The following TP53BP1 variants were observed in gnomAD, a reference collection of about 807,000 sequenced individuals.
TP53BP1 encodes the protein tumor protein p53 binding protein 1.
Under a neutral mutation model 200.8 loss-of-function variants are expected in TP53BP1, and 61 were observed. That is an observed-to-expected ratio of 0.30 (90% CI 0.25 to 0.38). The LOEUF (loss-of-function observed/expected upper bound fraction) is 0.38. Among genes scored for constraint, TP53BP1 ranks in the 10% least tolerant of loss-of-function variants. TP53BP1 has a pLI of 1.00. For synonymous variants in TP53BP1, 822 were observed against 844.3 expected, an observed-to-expected ratio of 0.97 and a Z score of 0.46; for missense variants, 2,144 against 2,371.9, an observed-to-expected ratio of 0.90 and a Z score of 2.00.
intron 1 of TP53BP1, among the ~76,000 whole-genome samples, chr15:43,505,509 A>G (rs2140184689): frequency 6.6e-6 from 1 of 152,324 alleles, no homozygotes; most frequent in South Asian, 2.1e-4. Context: ...CGCTTTTGGG[A>G]ATCACTTTCT....
rs2078932810 is a variant in TP53BP1 at position 43,479,546 on chromosome 15, A to G, written c.659-20T>C. 2 of 1,598,032 alleles carry G rather than the reference A, an allele frequency of 1.3e-6. No homozygotes were observed. Among genetic ancestry groups the G allele is most frequent in the African/African-American group, 2.7e-5 (2 of 74,136 alleles). ...TAATTGCTGAGAGTTTTATAAAATGACAGGAAGGAGATAATTAAGTTTTCA... is the reference window on the plus strand; with the variant it reads ...TAATTGCTGAGAGTTTTATAAAATGGCAGGAAGGAGATAATTAAGTTTTCA... On this transcript the variant is annotated intron_variant, in intron 6 of 27. Coordinates refer to ENST00000382044, the MANE Select transcript of TP53BP1 (RefSeq NM_001141980.3).
At chr15:43,483,233 A>AACACACGCACACACAC (rs2078998722) in intron 4 of TP53BP1, among the ~76,000 whole-genome samples, 1 of 142,728 alleles carries the variant, frequency 7.0e-6, no homozygotes, top group African/African-American at 2.6e-5. Flanking sequence ...AAAAGTACAG[A>AACACACGCACACACAC]ACACACACAC....
chr15:43,497,608 G>T, upstream of TP53BP1: 1 of 216,682 alleles, frequency 4.6e-6, no homozygotes, highest in Non-Finnish European at 7.9e-6. Flanking sequence ...ATTATGCTAA[G>T]TGAAATAAGC....
At chr15:43,445,994 T>A (rs2046033311) in intron 14 of TP53BP1, among the ~76,000 whole-genome samples, 1 of 152,204 alleles carries the variant, frequency 6.6e-6, no homozygotes, top group Non-Finnish European at 1.5e-5. Context: ...CCTTTCAGCA[T>A]CTGGTCCCTA....
intron 1 of TP53BP1, among the ~76,000 whole-genome samples, chr15:43,499,151 C>T (rs900042335): frequency 7.2e-5 from 11 of 152,016 alleles, no homozygotes; most frequent in African/African-American, 2.4e-4. Context: ...ACAAGGACAC[C>T]ACTGTGTCCT....
In TP53BP1 at chr15:43,405,497, A is replaced by G; in HGVS notation, c.*1886T>C. 1 of 507,868 alleles carries G rather than the reference A, an allele frequency of 2.0e-6. No individual in the cohort carries two copies. The highest frequency in any genetic ancestry group is 3.5e-6 in the Non-Finnish European group (1 of 283,466). 31.5% of individuals were successfully genotyped at this position (507,868 alleles called of 1,614,324 possible). A position where few individuals can be genotyped will look rare whatever the true frequency, so the allele number is the denominator to read the frequency against. The stretch of plus-strand genomic sequence containing the variant: ...TCATTTATTCAATAGTCATTTATTG[A>G]GCACCTACTACGTACCTTGGTACTG... On this transcript the variant is annotated 3_prime_UTR_variant, in exon 28 of 28. Coordinates refer to ENST00000382044, the MANE Select transcript of TP53BP1 (RefSeq NM_001141980.3).
At chr15:43,455,426 A>T (rs972807965) in intron 12 of TP53BP1, among the ~76,000 whole-genome samples, 2 of 152,206 alleles carry the variant, frequency 1.3e-5, no homozygotes, top group Non-Finnish European at 2.9e-5. Context: ...AGCTATTAAA[A>T]AAATACAATC....
At chr15:43,421,667 C>T (rs1009269654) in intron 19 of TP53BP1, 188 bp downstream of exon 19, 45 of 781,608 alleles carry the variant, frequency 5.8e-5, no homozygotes, top group Non-Finnish European at 8.5e-5. Flanking sequence ...AGTCTACCTG[C>T]CACAGGGCTC....
At chr15:43,504,264 T>C (rs1389407628) in intron 1 of TP53BP1, among the ~76,000 whole-genome samples, 5 of 152,304 alleles carry the variant, frequency 3.3e-5, no homozygotes, top group Admixed American at 2.6e-4. Context: ...CCTCCTGCTT[T>C]AGCCTCCCAA....
rs762457816 is a variant in TP53BP1 at position 43,421,984 on chromosome 15, G to A, written c.3971C>T (p.Thr1324Ile). Residue 1324 changes from threonine (T) to isoleucine (I), a missense_variant, in exon 19 of 28, where the codon ACA becomes ATA. Physicochemically the swap from Thr to Ile is moderately conservative, Grantham distance 89. Around this residue, in one of 4 missense-constraint regions of TP53BP1, gnomAD observed 1,700 missense variants for 1,710.3 expected, o/e 0.99. Transcript: ENST00000382044. ...ASSLHRTSSGTSLSAMHSSGS... is the reference protein window; with the variant it reads ...ASSLHRTSSGISLSAMHSSGS... ...ACTGCTGTGCATAGCTGAGAGACTT[G>A]TCCCACTTGATGTGCGGTGTAAGCT... 1.9e-6 allele frequency: 3 copies of A among 1,614,208 alleles called. No individual in the cohort carries two copies.
chr15:43,493,287 G>T, upstream of TP53BP1: 1 of 1,337,232 alleles, frequency 7.5e-7, no homozygotes, highest in Admixed American at 2.9e-5. Flanking sequence ...GGAACACGGC[G>T]GCGCGTTTCC....
At chr15:43,481,154 G>C in intron 4 of TP53BP1, 132 bp from the exon 5 acceptor site, 1 of 932,464 alleles carries the variant, frequency 1.1e-6, no homozygotes, top group Admixed American at 2.3e-5. Flanking sequence ...CACCTTTATA[G>C]TGCTTCTTTC....
In TP53BP1 at chr15:43,479,519, C is replaced by A; in HGVS notation, c.666G>T (p.Lys222Asn). The A allele has an allele frequency of 6.2e-7, 1 of 1,607,694 alleles. No individual in the cohort carries two copies. Among genetic ancestry groups the A allele is most frequent in the Non-Finnish European group, 8.5e-7 (1 of 1,178,102 alleles). The change falls in exon 7 of 28, where the codon AAG (lysine) becomes AAT (asparagine). Residue 222 changes from lysine (K) to asparagine (N), a missense_variant. By Grantham distance (94) the Lys-to-Asn change is moderately conservative. Coordinates refer to ENST00000382044, the MANE Select transcript of TP53BP1 (RefSeq NM_001141980.3). ...LSDVDANTAI[K>N]HEEQSNEDIP... ...TATCTTCGTTGGACTGTTCTTCATG[C>A]TTAATTGCTGAGAGTTTTATAAAAT...
At chr15:43,457,332 T>G in intron 11 of TP53BP1, 114 bp from the exon 12 acceptor site, 2 of 970,800 alleles carry the variant, frequency 2.1e-6, no homozygotes, top group Non-Finnish European at 2.9e-6. Flanking sequence ...ATCAAATTTT[T>G]AAATTCATAT....
chr15:43,480,847 A>G (rs1328971280), intron 5 of TP53BP1, 48 bp downstream of exon 5: 1 of 1,602,796 alleles, frequency 6.2e-7, no homozygotes. Context: ...CAATCATGTT[A>G]AAGGGAAGTT....
intron 22 of TP53BP1, 137 bp from the exon 23 acceptor site, chr15:43,415,946 T>A: frequency 2.6e-6 from 2 of 767,336 alleles, no homozygotes; most frequent in Non-Finnish European, 4.2e-6. Context: ...AGCTTCTTTT[T>A]AAGGCCATAT....
chr15:43,494,005 G>A, upstream of TP53BP1, among the ~76,000 whole-genome samples: 1 of 152,234 alleles, frequency 6.6e-6, no homozygotes, highest in Middle Eastern at 3.4e-3. Context: ...ATGGTGCCAG[G>A]GTCTTAAAGA....
chr15:43,450,668 C>A (rs1030934694), intron 12 of TP53BP1, among the ~76,000 whole-genome samples: 4 of 152,112 alleles, frequency 2.6e-5, no homozygotes, highest in African/African-American at 9.7e-5. Context: ...TTAACAGGAG[C>A]TCTCCATAGA....
chr15:43,413,826 TGCCC>T (rs2142968993), intron 23 of TP53BP1, among the ~76,000 whole-genome samples: 1 of 150,824 alleles, frequency 6.6e-6, no homozygotes, highest in African/African-American at 2.4e-5. Flanking sequence ...TATCAAGAAA[TGCCC>T]CTTGTAGATA....
Sources: allele counts gnomAD v4.1 joint callset (sites outside exome capture counted in the v4.1 genomes callset), GRCh38; gene constraint gnomAD v4.1.1; regional missense constraint gnomAD v4.1.1; transcripts MANE v1.5; gene names NCBI Gene and HGNC (gene_info 2026-07-23, HGNC 2026-07-21).